Variants in SIK3 observed in about 807,000 individuals in gnomAD.
The protein encoded by SIK3 is SIK family kinase 3, also known as serine/threonine-protein kinase SIK3.
SIK3 carries 28 observed loss-of-function variants against 144.2 expected under a neutral mutation model. That is an observed-to-expected ratio of 0.19 (90% CI 0.14 to 0.27). The LOEUF is 0.27. Among genes scored for constraint, SIK3 ranks in the 10% least tolerant of loss-of-function variants. SIK3 has a pLI of 1.00. For synonymous variants in SIK3, 686 were observed against 676.3 expected (o/e 1.01, Z -0.22); for missense variants, 1,319 against 1,776.0 (o/e 0.74, Z 4.62).
chr11:116,983,468 T>C (rs532039613), intron 1 of SIK3, among the ~76,000 whole-genome samples: 20 of 151,422 alleles, frequency 1.3e-4, no homozygotes, highest in African/African-American at 3.9e-4. Flanking sequence ...AGGCAGAAGT[T>C]GCAGTGAGCC....
Position 117,034,333 on chromosome 11 carries a change from TG to T in SIK3, c.273+63809del, listed in dbSNP as rs1385130976. Among the ~76,000 whole-genome samples the T allele has an allele frequency of 2.0e-5, 3 of 152,306 alleles. No homozygotes were observed. The East Asian group carries it at 5.8e-4, about 29-fold the overall frequency. On this transcript the variant is annotated intron_variant, in intron 1 of 24. Transcript: ENST00000445177. ...GAGAAAAGCATCTATAAGACTTGAA[TG>T]ATAAAAGCTGAAATTATGTGAAATC... is the stretch of plus-strand genomic sequence containing the variant.
chr11:116,847,580 C>G lies in SIK3; in HGVS notation c.3848G>C (p.Ser1283Thr). The G allele has an allele frequency of 6.2e-7, 1 of 1,614,216 alleles. No homozygotes were observed. Among genetic ancestry groups the G allele is most frequent in the South Asian group, 1.1e-5 (1 of 91,086 alleles). Residue 1283 changes from serine (S) to threonine (T), a missense_variant, in exon 23 of 25, where the codon AGT becomes ACT. Ser to Thr is a moderately conservative substitution (Grantham distance 58). Coordinates refer to ENST00000445177, the MANE Select transcript of SIK3 (RefSeq NM_001366686.3). ...GCTAAGTGCTTTCCCAGCCACGAGACTCATTCCTGGCAAGTTATCCAGCTG... is the reference window on the plus strand; with the variant it reads ...GCTAAGTGCTTTCCCAGCCACGAGAGTCATTCCTGGCAAGTTATCCAGCTG... ...YVQLDNLPGM[S>T]LVAGKALSSA...
intron 1 of SIK3, among the ~76,000 whole-genome samples, chr11:117,061,870 T>C (rs567364536): frequency 1.3e-5 from 2 of 152,298 alleles, no homozygotes; most frequent in East Asian, 1.9e-4. Flanking sequence ...GAATCAATTA[T>C]AATAGTTAAT....
chr11:116,886,752 T>TA (rs11446656), intron 6 of SIK3, among the ~76,000 whole-genome samples: 68,465 of 151,904 alleles, frequency 0.45, 18,700 homozygotes, highest in Non-Finnish European at 0.63. Flanking sequence ...AGTATGTTGT[T>TA]AAAAAAATAT....
chr11:117,096,007 A>C (rs376753530), intron 1 of SIK3, among the ~76,000 whole-genome samples: 6 of 152,242 alleles, frequency 3.9e-5, no homozygotes, highest in African/African-American at 1.4e-4. Context: ...CCAGTGTTTA[A>C]AATGCTGCAG....
At chr11:117,050,267 C>A (rs1202103204) in intron 1 of SIK3, among the ~76,000 whole-genome samples, 8 of 151,482 alleles carry the variant, frequency 5.3e-5, no homozygotes, top group Non-Finnish European at 8.8e-5. Flanking sequence ...ACAGCCTGGG[C>A]GACAAGATCA....
Position 117,040,967 on chromosome 11 carries a change from T to C in SIK3, c.273+57176A>G, listed in dbSNP as rs185334031. On this transcript the variant is annotated intron_variant, in intron 1 of 24. Coordinates refer to ENST00000445177, the MANE Select transcript of SIK3 (RefSeq NM_001366686.3). ...TGCCTCCTTTTTTTTTTTTTTTTTTTAGCAAGGGCAACTAAAATCTACTCT... is the reference window on the plus strand; with the variant it reads ...TGCCTCCTTTTTTTTTTTTTTTTTTCAGCAAGGGCAACTAAAATCTACTCT... Among the ~76,000 whole-genome samples the C allele has an allele frequency of 6.7e-5, 10 of 148,862 alleles. 1 individual carries two copies. In the South Asian group the frequency reaches 1.0e-3, roughly 16 times the overall value.
chr11:116,976,691 C>A (rs1296484359), intron 1 of SIK3, among the ~76,000 whole-genome samples: 2 of 152,176 alleles, frequency 1.3e-5, no homozygotes, highest in African/African-American at 2.4e-5. Context: ...TGTGAGCCCC[C>A]CTACAGGGCC....
intron 3 of SIK3, among the ~76,000 whole-genome samples, chr11:116,942,411 T>C (rs1354282085): frequency 2.6e-5 from 4 of 152,140 alleles, no homozygotes; most frequent in African/African-American, 9.7e-5. Flanking sequence ...GAAGATTTGG[T>C]AGGAAACAAA....
rs758185296 is a variant in SIK3 at position 116,859,517 on chromosome 11, T to C, written c.2513A>G (p.Asn838Ser). 3.7e-6 allele frequency: 6 copies of C among 1,613,944 alleles called. No homozygotes were observed. The African/African-American group carries it at 6.7e-5, about 18-fold the overall frequency. The part of the protein sequence containing the change: ...QQPENCSSPP[N>S]VALTCLGMQQ... ...CATACCCAAGCAGGTTAGTGCCACGTTGGGAGGAGAGGAACAGTTCTCAGG... is the reference window on the plus strand; with the variant it reads ...CATACCCAAGCAGGTTAGTGCCACGCTGGGAGGAGAGGAACAGTTCTCAGG... The change falls in exon 20 of 25, where the codon AAC becomes AGC. Residue 838 changes from asparagine to serine, a missense_variant. Asn to Ser is a conservative substitution (Grantham distance 46, BLOSUM62 1). This residue lies in a region of SIK3 where 646 missense variants were observed against 763.7 expected (regional missense o/e 0.85). Transcript: ENST00000445177.
intron 3 of SIK3, 41 bp from the exon 4 acceptor site, chr11:116,927,421 C>T: frequency 6.3e-7 from 1 of 1,592,402 alleles, no homozygotes; most frequent in Non-Finnish European, 8.6e-7. Context: ...ATTTTGGACA[C>T]TTGTGTAATT....
chr11:116,917,137 A>G (rs1946687666), intron 4 of SIK3, among the ~76,000 whole-genome samples: 1 of 151,932 alleles, frequency 6.6e-6, no homozygotes, highest in African/African-American at 2.4e-5. Context: ...CGCTTCACAC[A>G]ACACAATAAA....
At chr11:117,002,894 G>A (rs1412698193) in intron 1 of SIK3, among the ~76,000 whole-genome samples, 1 of 152,176 alleles carries the variant, frequency 6.6e-6, no homozygotes, top group Non-Finnish European at 1.5e-5. Context: ...TGTGAAATGA[G>A]GTGGAAGTTG....
chr11:117,098,248 G>T lies in SIK3; in HGVS notation c.168C>A (p.Arg56=). Residue 56 remains arginine (R), a synonymous_variant, in exon 1 of 25, where the codon CGC becomes CGA. Transcript: ENST00000445177. The stretch of plus-strand genomic sequence containing the variant: ...AGCCGATACGGGCGGGCATGGGTCC[G>T]CGGGAGGCCGGGGCTGGGGGACGCG... ...GQPRPPAPAS[R]GPMPARIGYY... 1 of 1,457,134 alleles carries T rather than the reference G, an allele frequency of 6.9e-7. No individual in the cohort carries two copies. 90.3% of individuals were successfully genotyped at this position (1,457,134 alleles called of 1,614,324 possible).
In SIK3 at chr11:116,861,942, G is replaced by A; in HGVS notation, c.2230-16C>T. ...AGATAGAGTCCTAAAACATATATGG[G>A]GAAAGGAAAAAAATTATTGTGAGCT... On this transcript the variant is annotated splice_polypyrimidine_tract_variant and intron_variant, in intron 17 of 24. Transcript: ENST00000445177. The A allele has an allele frequency of 6.4e-7, 1 of 1,567,970 alleles. No homozygotes were observed. The highest frequency in any genetic ancestry group is 2.3e-5 in the East Asian group (1 of 44,256).
intron 1 of SIK3, among the ~76,000 whole-genome samples, chr11:117,064,306 T>C (rs767368906): frequency 6.6e-6 from 1 of 152,204 alleles, no homozygotes; most frequent in Non-Finnish European, 1.5e-5. Flanking sequence ...ACAATTCCTA[T>C]ACCCCTACAA....
chr11:117,098,099 G>A (rs1217836990), intron 1 of SIK3, 44 bp downstream of exon 1: 5 of 1,374,636 alleles, frequency 3.6e-6, no homozygotes, highest in African/African-American at 1.5e-5. Flanking sequence ...GACCTCTCCC[G>A]GCCCCGCCAC....
At chr11:116,877,505 G>T (rs12279433) in intron 6 of SIK3, among the ~76,000 whole-genome samples, 10,788 of 152,208 alleles carry the variant, frequency 0.071, 442 homozygotes, top group Middle Eastern at 0.12. Flanking sequence ...AAAACTCAGG[G>T]AACTTGAATT....
rs182127073 is a variant in SIK3, at chr11:117,071,051, C to T, written c.273+27092G>A. On this transcript the variant is annotated intron_variant, in intron 1 of 24. Coordinates refer to ENST00000445177, the MANE Select transcript of SIK3 (RefSeq NM_001366686.3). ...GCCCAATACCATTTCAAAAAAGAAA[C>T]ATAAAATAAAACAAAATAGAAAATA... is the stretch of plus-strand genomic sequence containing the variant. Among the ~76,000 whole-genome samples, 89 of 152,066 alleles carry T rather than the reference C, an allele frequency of 5.9e-4. No individual in the cohort carries two copies. The East Asian group carries it at 0.012, about 20-fold the overall frequency.
Sources: allele counts gnomAD v4.1 joint callset (sites outside exome capture counted in the v4.1 genomes callset), GRCh38; gene constraint gnomAD v4.1.1; regional missense constraint gnomAD v4.1.1; transcripts MANE v1.5; gene names NCBI Gene and HGNC (gene_info 2026-07-23, HGNC 2026-07-21).